The following TRIM24 variants were observed in gnomAD, a reference collection of about 807,000 sequenced individuals.
TRIM24 encodes tripartite motif containing 24.
Under a neutral mutation model 123.9 loss-of-function variants are expected in TRIM24, and 29 were observed. That is an observed-to-expected ratio of 0.23 (90% confidence interval 0.17 to 0.32). TRIM24 has a LOEUF of 0.32. TRIM24 is among the 10% of genes least tolerant of loss of function. The probability of loss-of-function intolerance (pLI) is 1.00; values close to 1 mark genes in which losing one functional copy is unlikely to be tolerated. For missense variants in TRIM24, 932 were observed against 1,295.3 expected, an observed-to-expected ratio of 0.72 and a Z score of 4.31; for synonymous variants, 456 against 461.1, an observed-to-expected ratio of 0.99 and a Z score of 0.14.
At position 138,583,950 on chromosome 7, in the gene TRIM24, T is replaced by G; in HGVS notation, c.2894T>G (p.Phe965Cys). ...DYSMYSKPEDFVADFRLIFQN... is the reference protein window; with the variant it reads ...DYSMYSKPEDCVADFRLIFQN... ...TCCATGTACTCAAAACCTGAAGATTTTGTAGCTGATTTTAGATTGATCTTT... is the reference window on the plus strand; with the variant it reads ...TCCATGTACTCAAAACCTGAAGATTGTGTAGCTGATTTTAGATTGATCTTT... Residue 965 changes from phenylalanine (F) to cysteine (C), a missense_variant, in exon 18 of 19, where the codon TTT (phenylalanine) becomes TGT (cysteine). This residue lies in a region of TRIM24 where 104 missense variants were observed against 121.5 expected (regional missense o/e 0.86). Transcript: ENST00000343526. 3 of 1,609,742 alleles carry G rather than the reference T, an allele frequency of 1.9e-6. No homozygotes were observed. Among genetic ancestry groups the G allele is most frequent in the South Asian group, 2.2e-5 (2 of 89,470 alleles).
intron 3 of TRIM24, among the ~76,000 whole-genome samples, chr7:138,515,741 T>C (rs1165110742): frequency 1.3e-5 from 2 of 152,240 alleles, no homozygotes; most frequent in Non-Finnish European, 2.9e-5. Context: ...ATGATATTTG[T>C]CTGATATGTG....
chr7:138,543,596 TGGCTTGC>T, intron 7 of TRIM24, among the ~76,000 whole-genome samples: 2 of 152,162 alleles, frequency 1.3e-5, no homozygotes, highest in African/African-American at 4.8e-5. Context: ...ACCTCAAGCT[TGGCTTGC>T]TATTTTAAAA....
intron 14 of TRIM24, among the ~76,000 whole-genome samples, chr7:138,577,976 A>G (rs555907991): frequency 1.3e-5 from 2 of 152,318 alleles, no homozygotes; most frequent in Non-Finnish European, 2.9e-5. Context: ...AAAACAAGAA[A>G]GAAGACATAA....
At chr7:138,526,689 G>A (rs1479484305) in intron 5 of TRIM24, among the ~76,000 whole-genome samples, 1 of 152,098 alleles carries the variant, frequency 6.6e-6, no homozygotes, top group Non-Finnish European at 1.5e-5. Context: ...GGGATTACAG[G>A]CGTGAGCCAC....
At chr7:138,523,730 G>T (rs963985887) in intron 4 of TRIM24, among the ~76,000 whole-genome samples, 12 of 121,656 alleles carry the variant, frequency 9.9e-5, no homozygotes, top group African/African-American at 3.7e-4. Flanking sequence ...CAGCCTGGGC[G>T]ACAGAGCGAG....
At chr7:138,481,003 A>AT (rs1214501489) in intron 1 of TRIM24, among the ~76,000 whole-genome samples, 1 of 150,640 alleles carries the variant, frequency 6.6e-6, no homozygotes, top group Non-Finnish European at 1.5e-5. Context: ...TATTATTATT[A>AT]TTTTTTAAGA....
chr7:138,520,897 T>TG (rs1796491812), intron 4 of TRIM24, among the ~76,000 whole-genome samples: 1 of 151,960 alleles, frequency 6.6e-6, no homozygotes, highest in Non-Finnish European at 1.5e-5. Flanking sequence ...CCAAGAAGGA[T>TG]GGAAAGTACA....
At chr7:138,573,224 G>T (rs1797691928) in intron 11 of TRIM24, among the ~76,000 whole-genome samples, 1 of 152,126 alleles carries the variant, frequency 6.6e-6, no homozygotes, top group Admixed American at 6.6e-5. Context: ...TCGTTTATAA[G>T]AATTTTTTCA....
At chr7:138,526,640 G>GAACTACTAGATC (rs1289483712) in intron 5 of TRIM24, among the ~76,000 whole-genome samples, 1 of 152,072 alleles carries the variant, frequency 6.6e-6, no homozygotes, top group African/African-American at 2.4e-5. Flanking sequence ...TTGAACTAGT[G>GAACTACTAGATC]ACCTCAGGTG....
Position 138,469,723 on chromosome 7 carries a change from T to C in TRIM24, c.364+8811T>C, listed in dbSNP as rs143571016. ...GGCACACCACATATGCAATAAAATATCCATTCAGGTGAGGGAAGACATTAG... is the reference window on the plus strand; with the variant it reads ...GGCACACCACATATGCAATAAAATACCCATTCAGGTGAGGGAAGACATTAG... On this transcript the variant is annotated intron_variant, in intron 1 of 18. Transcript: ENST00000343526. Among the ~76,000 whole-genome samples, 23 of 152,278 alleles carry C rather than the reference T, an allele frequency of 1.5e-4. No individual in the cohort carries two copies. In the East Asian group the frequency reaches 4.4e-3, roughly 29 times the overall value.
intron 2 of TRIM24, 36 bp downstream of exon 2, chr7:138,504,444 GCT>G (rs1423003390): frequency 1.8e-5 from 11 of 624,934 alleles, no homozygotes; most frequent in Non-Finnish European, 2.5e-5. Context: ...TTGCCTGCCA[GCT>G]CTTTTTTTTT....
chr7:138,532,378 GAATT>G (rs1304191811), intron 6 of TRIM24, among the ~76,000 whole-genome samples: 2 of 152,066 alleles, frequency 1.3e-5, no homozygotes, highest in African/African-American at 4.8e-5. Context: ...AATCCATCTT[GAATT>G]AATTTTTGTA....
chr7:138,463,564 C>G (rs1447021155), intron 1 of TRIM24, among the ~76,000 whole-genome samples: 1 of 152,120 alleles, frequency 6.6e-6, no homozygotes, highest in Non-Finnish European at 1.5e-5. Context: ...GTTAAACAGG[C>G]TTGTAGCCAA....
At chr7:138,500,701 C>T (rs1796018756) in intron 1 of TRIM24, among the ~76,000 whole-genome samples, 2 of 151,470 alleles carry the variant, frequency 1.3e-5, no homozygotes, top group South Asian at 4.2e-4. Flanking sequence ...CAGTGAGACC[C>T]AGTCTGTACA....
intron 1 of TRIM24, among the ~76,000 whole-genome samples, chr7:138,484,503 A>AT (rs1219713575): frequency 6.6e-6 from 1 of 151,584 alleles, no homozygotes; most frequent in Non-Finnish European, 1.5e-5. Flanking sequence ...CTAAGAATTG[A>AT]TTTTCTAATA....
At chr7:138,471,624 T>A (rs1795274384) in intron 1 of TRIM24, among the ~76,000 whole-genome samples, 1 of 152,132 alleles carries the variant, frequency 6.6e-6, no homozygotes, top group Admixed American at 6.6e-5. Context: ...CACTGCAACC[T>A]CTGTCTCCTG....
At chr7:138,555,008 G>T (rs764415684) in intron 9 of TRIM24, 42 bp downstream of exon 9, 1 of 1,569,180 alleles carries the variant, frequency 6.4e-7, no homozygotes, top group South Asian at 1.1e-5. Flanking sequence ...GATAATTATA[G>T]TATAATTGTG....
chr7:138,574,240 T>C (rs2116677630), intron 12 of TRIM24, among the ~76,000 whole-genome samples: 1 of 152,230 alleles, frequency 6.6e-6, no homozygotes, highest in East Asian at 1.9e-4. Context: ...ATCACTCTTC[T>C]GGTGATTTGT....
intron 1 of TRIM24, among the ~76,000 whole-genome samples, chr7:138,470,346 GTCTCAA>G (rs1325557709): frequency 2.6e-5 from 4 of 152,008 alleles, no homozygotes; most frequent in Admixed American, 1.3e-4. Flanking sequence ...GGTCAGGATG[GTCTCAA>G]TCTCTTGATC....
Sources: gnomAD v4.1 joint callset for allele counts (sites outside exome capture counted in the v4.1 genomes callset) on GRCh38, gnomAD v4.1.1 for gene constraint, gnomAD v4.1.1 regional missense constraint, MANE v1.5 for transcripts, NCBI Gene and HGNC (gene_info 2026-07-23, HGNC 2026-07-21) for gene names.